The following ZNF841 variants were observed in gnomAD, a reference collection of about 807,000 sequenced individuals.
The protein encoded by ZNF841 is zinc finger protein 841.
ZNF841 carries 11 observed loss-of-function variants against 13.0 expected under a neutral mutation model. The observed-to-expected ratio is 0.85, with a 90% CI of 0.53 to 1.40. The LOEUF (loss-of-function observed/expected upper bound fraction) is 1.40, where lower values mean the gene tolerates loss of function less well. Among genes scored for constraint, ZNF841 ranks in the 40% most tolerant of loss-of-function variants. The pLI, the probability that ZNF841 is intolerant of heterozygous loss-of-function variation, is 0.00. For missense variants in ZNF841, 1,068 were observed against 1,139.5 expected, an observed-to-expected ratio of 0.94 and a Z score of 0.90; for synonymous variants, 369 against 381.6, an observed-to-expected ratio of 0.97 and a Z score of 0.38.
At chr19:52,084,367 C>A (rs911014216) in intron 4 of ZNF841, among the ~76,000 whole-genome samples, 1 of 152,050 alleles carries the variant, frequency 6.6e-6, no homozygotes, top group African/African-American at 2.4e-5. Context: ...AAAGATCTCC[C>A]CTTAGAGGCA....
At position 52,066,585 on chromosome 19, in the gene ZNF841, C is replaced by T. The variant is rs1220884718; in HGVS notation, c.1297G>A (p.Val433Ile). 1.2e-6 allele frequency: 2 copies of T among 1,613,604 alleles called. No individual in the cohort carries two copies. The highest frequency in any genetic ancestry group is 1.1e-5 in the South Asian group (1 of 91,046). ...TTCTGATAAAAGACCTTGCCACATACATCACATGTATATGGTTTCTTTCCT... is the reference window on the plus strand; with the variant it reads ...TTCTGATAAAAGACCTTGCCACATATATCACATGTATATGGTTTCTTTCCT... ...HAGKKPYTCD[V>I]CGKVFYQNSQ... is the part of the protein sequence containing the mutation. Residue 433 changes from valine (V) to isoleucine (I), a missense_variant, in exon 7 of 7, where the codon GTA becomes ATA. Transcript: ENST00000594440.
chr19:52,062,130 C>T (rs2087412023), downstream of ZNF841, among the ~76,000 whole-genome samples: 1 of 152,136 alleles, frequency 6.6e-6, no homozygotes, highest in Non-Finnish European at 1.5e-5. Flanking sequence ...CTCTAAAAAT[C>T]CTAGGAAATT....
At chr19:52,090,545 G>C (rs1342421621) in intron 2 of ZNF841, among the ~76,000 whole-genome samples, 1 of 151,274 alleles carries the variant, frequency 6.6e-6, no homozygotes. Context: ...CCTGCAGTGA[G>C]GTATGATCGC....
At position 52,085,822 on chromosome 19, in the gene ZNF841, A is replaced by G. The variant is rs1600101608; in HGVS notation, c.-77-944T>C. Among the ~76,000 whole-genome samples the G allele has an allele frequency of 2.6e-5, 4 of 152,202 alleles. 1 individual carries two copies. In the East Asian group the frequency reaches 7.7e-4, roughly 29 times the overall value. ...GATTAGGTAGAGATGAGGTATTCAA[A>G]CATCTTTCTCCCACAGCTCACAGTA... On this transcript the variant is annotated intron_variant, in intron 3 of 6. Coordinates refer to ENST00000594440, the MANE Select transcript of ZNF841 (RefSeq NM_001136499.2).
intron 3 of ZNF841, among the ~76,000 whole-genome samples, chr19:52,087,708 C>T (rs2088322889): frequency 6.6e-6 from 1 of 151,916 alleles, no homozygotes; most frequent in Admixed American, 6.6e-5. Context: ...CAGAGAGGCC[C>T]GGCGCGGTGG....
At chr19:52,085,368 C>G (rs185660708) in intron 3 of ZNF841, among the ~76,000 whole-genome samples, 48 of 152,336 alleles carry the variant, frequency 3.2e-4, no homozygotes, top group Non-Finnish European at 4.7e-4. Context: ...CAAACTGCCT[C>G]AGCACGCTAA....
downstream of ZNF841, among the ~76,000 whole-genome samples, chr19:52,060,894 G>A (rs899967697): frequency 6.6e-6 from 1 of 152,168 alleles, no homozygotes; most frequent in African/African-American, 2.4e-5. Context: ...AAGTCAGAGG[G>A]TCCGGGCATG....
In ZNF841 at chr19:52,065,992, G is replaced by A. The variant is rs777581229; in HGVS notation, c.1890C>T (p.Cys630=). The change falls in exon 7 of 7, where the codon TGC becomes TGT. Residue 630 remains cysteine (C), a synonymous_variant. Transcript: ENST00000594440. ...ATGAGTAGTAACTGAAGACCTTGCC[G>A]CATTCGTTACACTGGAAAGGTTTCT... ...TGEKPFQCNE[C]GKVFSYYSCL... 3.6e-5 allele frequency: 58 copies of A among 1,612,512 alleles called. No individual in the cohort carries two copies. The highest frequency in any genetic ancestry group is 8.4e-5 in the Admixed American group (5 of 59,870).
In ZNF841 at chr19:52,065,446, C is replaced by G. The variant is rs1289376581; in HGVS notation, c.2436G>C (p.Gln812His). 1 of 1,613,970 alleles carries G rather than the reference C, an allele frequency of 6.2e-7. No homozygotes were observed. Among genetic ancestry groups the G allele is most frequent in the Non-Finnish European group, 8.5e-7 (1 of 1,179,976 alleles). ...FRVRSILLNH[Q>H]MMHTGEKPYK... ...AAGGTTTCTCTCCAGTATGCATCAT[C>G]TGATGATTAAGCAGAATTGAACGTA... The change falls in exon 7 of 7, where the codon CAG becomes CAC. Residue 812 changes from glutamine (Q) to histidine (H), a missense_variant. Coordinates refer to ENST00000594440, the MANE Select transcript of ZNF841 (RefSeq NM_001136499.2).
At chr19:52,067,914 GAC>G (rs941036255) in intron 6 of ZNF841, among the ~76,000 whole-genome samples, 1 of 152,122 alleles carries the variant, frequency 6.6e-6, no homozygotes, top group East Asian at 1.9e-4. Flanking sequence ...GACCCCAAAT[GAC>G]ACACCAATTG....
In ZNF841 at chr19:52,067,452, G is replaced by A. The variant is rs760789949; in HGVS notation, c.430C>T (p.Gln144Ter). ...IRKNLQEVDF[Q>*]WKDGEINYKE... ...TAATTTATTTCACCATCTTTCCATT[G>A]AAAGTCAACTTCCTGTAGATTTTTC... Residue 144 changes from glutamine (Q) to a stop codon, truncating the protein, a stop_gained, in exon 7 of 7, where the codon CAA becomes TAA. Coordinates refer to ENST00000594440, the MANE Select transcript of ZNF841 (RefSeq NM_001136499.2). LOFTEE classifies it low-confidence loss of function (END_TRUNC). The A allele has an allele frequency of 6.4e-7, 1 of 1,552,034 alleles. No individual in the cohort carries two copies. Among genetic ancestry groups the A allele is most frequent in the Non-Finnish European group, 8.7e-7 (1 of 1,147,442 alleles).
Position 52,067,409 on chromosome 19 carries a change from G to C in ZNF841, c.473C>G (p.Thr158Ser). 6.5e-7 allele frequency: 1 copy of C among 1,547,890 alleles called. No homozygotes were observed. The highest frequency in any genetic ancestry group is 8.7e-7 in the Non-Finnish European group (1 of 1,145,810). The stretch of plus-strand genomic sequence containing the variant: ...TTGACCAGTAAGATTGTTTTTATGG[G>C]TCATCGGCCCTTCTTTATAATTTAT... ...GEINYKEGPM[T>S]HKNNLTGQRV... Residue 158 changes from threonine to serine, a missense_variant, in exon 7 of 7, where the codon ACC (threonine) becomes AGC (serine). Thr to Ser is a moderately conservative substitution (Grantham distance 58). Transcript: ENST00000594440.
At chr19:52,094,220 T>C (rs1466502190) in intron 1 of ZNF841, 6 of 152,202 alleles carry the variant, frequency 3.9e-5, no homozygotes, top group Non-Finnish European at 5.9e-5. Context: ...ACAAGGCTTA[T>C]AGAAAAAACT....
chr19:52,059,364 A>T, the ZNF841 span, among the ~76,000 whole-genome samples: 3 of 99,360 alleles, frequency 3.0e-5, no homozygotes, highest in African/African-American at 4.8e-5. Flanking sequence ...AAAAAAAAAA[A>T]AAAAAAATAT....
rs1182302977 is a variant in ZNF841 at position 52,065,076 on chromosome 19, C to T, written c.*31G>A. On this transcript the variant is annotated 3_prime_UTR_variant, in exon 7 of 7. Coordinates refer to ENST00000594440, the MANE Select transcript of ZNF841 (RefSeq NM_001136499.2). Reference sequence around the variant, plus strand: ...CACATGAGACTTCAAAGGGAAAGGACAAATATACAAGCTATATGAGTAAGT... The same window carrying T: ...CACATGAGACTTCAAAGGGAAAGGATAAATATACAAGCTATATGAGTAAGT... 1 of 1,447,534 alleles carries T rather than the reference C, an allele frequency of 6.9e-7. No individual in the cohort carries two copies. The highest frequency in any genetic ancestry group is 1.4e-5 in the African/African-American group (1 of 69,682). The allele number at this position is 1,447,534 out of a possible 1,614,324, so 89.7% of individuals were successfully genotyped here. A position where few individuals can be genotyped will look rare whatever the true frequency, so the allele number is the denominator to read the frequency against.
At chr19:52,063,763 T>C (rs2087445311), downstream of ZNF841, 1 of 152,234 alleles carries the variant, frequency 6.6e-6, no homozygotes, top group Non-Finnish European at 1.5e-5. Flanking sequence ...GCACACACAT[T>C]ACATTTGTCA....
chr19:52,082,159 A>G (rs1170673048), intron 4 of ZNF841, among the ~76,000 whole-genome samples: 1 of 152,236 alleles, frequency 6.6e-6, no homozygotes, highest in East Asian at 1.9e-4. Context: ...GAAAGACATA[A>G]TAAAGATATG....
At chr19:52,068,518 TA>T (rs556247085) in intron 6 of ZNF841, among the ~76,000 whole-genome samples, 4 of 150,350 alleles carry the variant, frequency 2.7e-5, no homozygotes, top group African/African-American at 9.8e-5. Flanking sequence ...GTACTAAAAG[TA>T]AAAAAAATCA....
At chr19:52,058,688 G>C in the ZNF841 span, 1 of 152,830 alleles carries the variant, frequency 6.5e-6, no homozygotes, top group Non-Finnish European at 1.5e-5. Context: ...TTTTACACTA[G>C]TCTTGTGAAA....
Sources: allele counts gnomAD v4.1 joint callset (sites outside exome capture counted in the v4.1 genomes callset), GRCh38; gene constraint gnomAD v4.1.1; transcripts MANE v1.5; gene names NCBI Gene and HGNC (gene_info 2026-07-23, HGNC 2026-07-21).